Variants in PHF10 observed in about 807,000 individuals in gnomAD.
The protein encoded by PHF10 is BRG1-associated factor 45a.
In PHF10, 51 loss-of-function variants were observed where a neutral mutation model predicts 68.5. That is an observed-to-expected ratio of 0.74 (90% CI 0.59 to 0.94). PHF10 has a LOEUF of 0.94. Among genes scored for constraint, PHF10 ranks in the 40% least tolerant of loss-of-function variants. The pLI, the probability that PHF10 is intolerant of heterozygous loss-of-function variation, is 0.00. For synonymous variants in PHF10, 204 were observed against 203.5 expected (o/e 1.00, Z -0.02); for missense variants, 460 against 602.6 (o/e 0.76, Z 2.48).
Position 169,718,781 on chromosome 6 carries a change from C to G in PHF10, c.325+7G>C. The G allele has an allele frequency of 6.7e-7, 1 of 1,491,296 alleles. No individual in the cohort carries two copies. The highest frequency in any genetic ancestry group is 9.3e-7 in the Non-Finnish European group (1 of 1,076,318). 92.4% of individuals were successfully genotyped at this position (1,491,296 alleles called of 1,614,324 possible). Reference sequence around the variant, plus strand: ...ATTATAAATTAATCTATTATATAAACTAGTACCTGGATATTTCCTTTTAAA... The same window carrying G: ...ATTATAAATTAATCTATTATATAAAGTAGTACCTGGATATTTCCTTTTAAA... On this transcript the variant is annotated splice_region_variant and intron_variant, in intron 3 of 11. Transcript: ENST00000339209.
In PHF10 at chr6:169,724,306, G is replaced by C. The variant is rs1322081128; in HGVS notation, c.-375C>G. Among the ~76,000 whole-genome samples the C allele has an allele frequency of 9.6e-6, 1 of 104,642 alleles. No homozygotes were observed. Among genetic ancestry groups the C allele is most frequent in the Non-Finnish European group, 1.9e-5 (1 of 53,342 alleles). The allele number at this position is 104,642 out of a possible 152,430, so 68.6% of individuals were successfully genotyped here. The stretch of plus-strand genomic sequence containing the variant: ...CCCCACAGCTCCGCCGCTGGCCTCA[G>C]CGCCGCCGCGACTCCCTTCAGCCCC... On this transcript the variant is annotated 5_prime_UTR_variant, in exon 1 of 12. Transcript: ENST00000339209.
Position 169,724,335 on chromosome 6 carries a change from A to ACTCGCTCGCCTGAGCCCCGCCG in PHF10, c.-405_-404insCGGCGGGGCTCAGGCGAGCGAG, listed in dbSNP as rs1789272180. 1.4e-5 allele frequency among the ~76,000 whole-genome samples: 1 copy of ACTCGCTCGCCTGAGCCCCGCCG among 69,976 alleles called. No homozygotes were observed. Among genetic ancestry groups the ACTCGCTCGCCTGAGCCCCGCCG allele is most frequent in the South Asian group, 5.9e-4 (1 of 1,696 alleles). 45.9% of individuals were successfully genotyped at this position (69,976 alleles called of 152,430 possible). A position where few individuals can be genotyped will look rare whatever the true frequency, so the allele number is the denominator to read the frequency against. On this transcript the variant is annotated 5_prime_UTR_variant, in exon 1 of 12. Coordinates refer to ENST00000339209, the MANE Select transcript of PHF10 (RefSeq NM_018288.4). ...CGCCGCGACTCCCTTCAGCCCCGCC[A>ACTCGCTCGCCTGAGCCCCGCCG]CTCGCTCGCCTCAGCCCCGCCGCTC...
chr6:169,724,214 G>A lies in PHF10; in HGVS notation c.-283C>T, dbSNP rs982919430. 8.2e-5 allele frequency among the ~76,000 whole-genome samples: 12 copies of A among 146,326 alleles called. No homozygotes were observed. The highest frequency in any genetic ancestry group is 3.0e-4 in the African/African-American group (12 of 40,648). ...TGCGGGCCGGAATGGAGGAGGCCCAGCGGCGGCGGCGCTTCTCACGTCAGC... is the reference window on the plus strand; with the variant it reads ...TGCGGGCCGGAATGGAGGAGGCCCAACGGCGGCGGCGCTTCTCACGTCAGC... On this transcript the variant is annotated 5_prime_UTR_variant, in exon 1 of 12. Transcript: ENST00000339209.
intron 11 of PHF10, 108 bp downstream of exon 11, chr6:169,705,025 T>C: frequency 1.3e-6 from 1 of 743,792 alleles, no homozygotes; most frequent in Non-Finnish European, 2.2e-6. Context: ...TATTTGCACA[T>C]AAGAGTCCAC....
At position 169,722,958 on chromosome 6, in the gene PHF10, T is replaced by C. The variant is rs185351411; in HGVS notation, c.87+887A>G. On this transcript the variant is annotated intron_variant, in intron 1 of 11. Transcript: ENST00000339209. ...GAGTCTTACAATCTAGTTACTTCCATTGACGACAGCCTTTGAGGAACCTTC... is the reference window on the plus strand; with the variant it reads ...GAGTCTTACAATCTAGTTACTTCCACTGACGACAGCCTTTGAGGAACCTTC... Among the ~76,000 whole-genome samples the C allele has an allele frequency of 2.3e-3, 357 of 152,306 alleles. 6 individuals carry two copies. Among genetic ancestry groups the C allele is most frequent in the Admixed American group, 0.021 (317 of 15,308 alleles).
chr6:169,714,847 G>T lies in PHF10; in HGVS notation c.694-5C>A. 2 of 1,399,260 alleles carry T rather than the reference G, an allele frequency of 1.4e-6. No homozygotes were observed. Among genetic ancestry groups the T allele is most frequent in the Non-Finnish European group, 2.0e-6 (2 of 983,994 alleles). The allele number at this position is 1,399,260 out of a possible 1,614,324, so 86.7% of individuals were successfully genotyped here. On this transcript the variant is annotated splice_region_variant and splice_polypyrimidine_tract_variant and intron_variant, in intron 6 of 11. Transcript: ENST00000339209. Reference sequence around the variant, plus strand: ...CCCTTGAGGTACCTGGATAACCTACGTTAACATAAAGAGAAACACAAAACT... The same window carrying T: ...CCCTTGAGGTACCTGGATAACCTACTTTAACATAAAGAGAAACACAAAACT...
intron 1 of PHF10, 136 bp from the exon 2 acceptor site, chr6:169,721,247 A>C: frequency 1.8e-6 from 1 of 547,418 alleles, no homozygotes; most frequent in South Asian, 2.9e-5. Flanking sequence ...AGGGTCCAAG[A>C]GTTTGGCATG....
intron 9 of PHF10, among the ~76,000 whole-genome samples, chr6:169,706,845 G>A (rs917990941): frequency 2.0e-5 from 3 of 151,122 alleles, no homozygotes; most frequent in African/African-American, 4.9e-5. Context: ...TTCCCACCCT[G>A]CCAAATGCAT....
At chr6:169,707,422 C>G (rs1198188795) in intron 9 of PHF10, 1 of 152,304 alleles carries the variant, frequency 6.6e-6, no homozygotes, top group East Asian at 1.9e-4. Context: ...CAGCAGAATG[C>G]TCTCTCTTAA....
In PHF10 at chr6:169,723,877, C is replaced by T. The variant is rs1458599154; in HGVS notation, c.55G>A (p.Asp19Asn). 8.2e-6 allele frequency: 9 copies of T among 1,097,018 alleles called. No individual in the cohort carries two copies. Among genetic ancestry groups the T allele is most frequent in the Non-Finnish European group, 1.0e-5 (9 of 898,428 alleles). 68.0% of individuals were successfully genotyped at this position (1,097,018 alleles called of 1,614,324 possible). A position where few individuals can be genotyped will look rare whatever the true frequency, so the allele number is the denominator to read the frequency against. Residue 19 changes from aspartate (D) to asparagine (N), a missense_variant, in exon 1 of 12, where the codon GAC (aspartate) becomes AAC (asparagine). This residue lies in a region of PHF10 where 93 missense variants were observed against 82.4 expected (regional missense o/e 1.13). Transcript: ENST00000339209. The part of the protein sequence containing the change: ...AALSPRPCDS[D>N]PATPGAQSPK... ...GACTGCGCTCCGGGGGTGGCTGGGT[C>T]GCTGTCGCACGGCCGCGGGGACAGC...
rs768635838 is a variant in PHF10 at position 169,705,290 on chromosome 6, C to T, written c.1254G>A (p.Glu418=). The change falls in exon 11 of 12, where the codon GAG becomes GAA. Residue 418 remains glutamate (E), a synonymous_variant. Coordinates refer to ENST00000339209, the MANE Select transcript of PHF10 (RefSeq NM_018288.4). ...GGTAGGTCTTAATCATAGAAACAAG[C>T]TCCATTGTCATATCCAGGCAAGAAG... is the stretch of plus-strand genomic sequence containing the variant. ...GHPSCLDMTM[E]LVSMIKTYPW... is the part of the protein sequence containing the mutation. 8.1e-6 allele frequency: 13 copies of T among 1,612,492 alleles called. No homozygotes were observed. Among genetic ancestry groups the T allele is most frequent in the East Asian group, 2.2e-5 (1 of 44,862 alleles).
At chr6:169,721,165 T>A in intron 1 of PHF10, 54 bp from the exon 2 acceptor site, 1 of 988,168 alleles carries the variant, frequency 1.0e-6, no homozygotes, top group Non-Finnish European at 1.6e-6. Context: ...AAAAGAACAG[T>A]AAGTCTCAAT....
intron 8 of PHF10, among the ~76,000 whole-genome samples, chr6:169,711,102 GAATGTATCTACTTTATCTTTTT>G (rs965979507): frequency 3.9e-5 from 6 of 152,040 alleles, no homozygotes; most frequent in Non-Finnish European, 8.8e-5. Context: ...CTAGAAACAT[GAATGTATCTACTTTATCTTTTT>G]TCTGGGTGTC....
chr6:169,717,518 A>G (rs986434044), intron 4 of PHF10, among the ~76,000 whole-genome samples: 7 of 152,236 alleles, frequency 4.6e-5, no homozygotes, highest in African/African-American at 7.2e-5. Flanking sequence ...GACTTGTTAC[A>G]TATTATACTG....
At position 169,724,413 on chromosome 6, in the gene PHF10, C is replaced by G. The variant is rs1279071692; in HGVS notation, c.-482G>C. 1.4e-5 allele frequency among the ~76,000 whole-genome samples: 2 copies of G among 143,566 alleles called. No individual in the cohort carries two copies. Among genetic ancestry groups the G allele is most frequent in the Non-Finnish European group, 3.1e-5 (2 of 65,010 alleles). The allele number at this position is 143,566 out of a possible 152,430, so 94.2% of individuals were successfully genotyped here. On this transcript the variant is annotated 5_prime_UTR_variant, in exon 1 of 12. Coordinates refer to ENST00000339209, the MANE Select transcript of PHF10 (RefSeq NM_018288.4). The stretch of plus-strand genomic sequence containing the variant: ...GCCCCGCCGCTCGCCTCAGCCCCGC[C>G]GCTCGCCTCAGCCCCGCCGCTCCCC...
At chr6:169,705,069 CT>C in intron 11 of PHF10, 63 bp downstream of exon 11, 1 of 1,275,822 alleles carries the variant, frequency 7.8e-7, no homozygotes, top group Non-Finnish European at 1.1e-6. Context: ...TTTATGCAGC[CT>C]TTTGGAGTGC....
rs763481845 is a variant in PHF10 at position 169,717,871 on chromosome 6, G to T, written c.361C>A (p.Leu121Ile). The change falls in exon 4 of 12, where the codon CTC becomes ATC. Residue 121 changes from leucine (L) to isoleucine (I), a missense_variant. Physicochemically the swap from Leu to Ile is conservative, Grantham distance 5. Transcript: ENST00000339209. The stretch of plus-strand genomic sequence containing the variant: ...ATGACATTTAGCTCTCTCAGGTAGA[G>T]TTTCTCCTTGTGAGACAAATCTCGT... ...ERRDLSHKEK[L>I]YLRELNVITE... is the part of the protein sequence containing the mutation. 2 of 1,570,536 alleles carry T rather than the reference G, an allele frequency of 1.3e-6. No homozygotes were observed. Among genetic ancestry groups the T allele is most frequent in the South Asian group, 1.2e-5 (1 of 86,524 alleles).
In PHF10 at chr6:169,704,063, C is replaced by G; in HGVS notation, c.1437G>C (p.Gln479His). The change falls in exon 12 of 12, where the codon CAG (glutamine) becomes CAC (histidine). Residue 479 changes from glutamine (Q) to histidine (H), a missense_variant. Coordinates refer to ENST00000339209, the MANE Select transcript of PHF10 (RefSeq NM_018288.4). ...CTTTCCTGGGTGTTGGGGGGGCCCG[C>G]TGACAACAGTCACAAATCCAGCGAC... Reference protein sequence around the residue: ...PSGRWICDCCQRAPPTPRKVG... With the variant: ...PSGRWICDCCHRAPPTPRKVG... 6.3e-7 allele frequency: 1 copy of G among 1,582,780 alleles called. No individual in the cohort carries two copies. Among genetic ancestry groups the G allele is most frequent in the Non-Finnish European group, 8.5e-7 (1 of 1,171,516 alleles).
chr6:169,712,661 G>A (rs1788951900), intron 7 of PHF10, 122 bp from the exon 8 acceptor site: 10 of 700,718 alleles, frequency 1.4e-5, no homozygotes, highest in Non-Finnish European at 2.3e-5. Flanking sequence ...GAAAACTAGA[G>A]TACTAATTTT....
Sources: allele counts gnomAD v4.1 joint callset (sites outside exome capture counted in the v4.1 genomes callset), GRCh38; gene constraint gnomAD v4.1.1; regional missense constraint gnomAD v4.1.1; transcripts MANE v1.5; gene names NCBI Gene and HGNC (gene_info 2026-07-23, HGNC 2026-07-21).